IL17RE: variants seen among roughly 807,000 people sequenced by gnomAD.
IL17RE encodes interleukin-17 receptor E.
A neutral mutation model predicts 70.7 loss-of-function variants in IL17RE; 47 were observed. The ratio of observed to expected loss-of-function variants is 0.67; its 90% CI spans 0.53 to 0.85. The LOEUF (loss-of-function observed/expected upper bound fraction) is 0.85, where lower values mean the gene tolerates loss of function less well. Among genes scored for constraint, IL17RE ranks in the 40% least tolerant of loss-of-function variants. The probability of loss-of-function intolerance (pLI) is 0.00; values close to 1 mark genes in which losing one functional copy is unlikely to be tolerated. For missense variants in IL17RE, 850 were observed against 893.9 expected (o/e 0.95, Z 0.63); for synonymous variants, 372 against 381.2 (o/e 0.98, Z 0.28).
rs111949048 is a variant in IL17RE, at chr3:9,915,233, G to T, written c.1448-18G>T. ...TCCCTCAGCCGCCCAGCCTTCATCT[G>T]TTGCTTCCCGCCACCAGGCCCGGGC... On this transcript the variant is annotated intron_variant, in intron 15 of 15. Coordinates refer to ENST00000383814, the MANE Select transcript of IL17RE (RefSeq NM_153480.2). This position sits in a 1 kb window ranked among gnomAD's most constrained non-coding sequence, Gnocchi z 4.9. 2,031 of 1,377,912 alleles carry T rather than the reference G, an allele frequency of 1.5e-3. 20 individuals carry two copies. In the African/African-American group the frequency reaches 0.026, roughly 18 times the overall value. The allele number at this position is 1,377,912 out of a possible 1,614,324, so 85.4% of individuals were successfully genotyped here.
chr3:9,902,402 T>C (rs1301534345), upstream of IL17RE, among the ~76,000 whole-genome samples: 1 of 152,160 alleles, frequency 6.6e-6, no homozygotes, highest in Non-Finnish European at 1.5e-5. Flanking sequence ...ATGGGCTTCA[T>C]GTGCATCCTA....
chr3:9,912,104 C>A (rs2082908190), intron 12 of IL17RE, among the ~76,000 whole-genome samples: 1 of 152,246 alleles, frequency 6.6e-6, no homozygotes, highest in East Asian at 1.9e-4. Flanking sequence ...CCTGTCAGTC[C>A]AGTGGCTGCA....
At chr3:9,911,420 C>T (rs746311659) in intron 11 of IL17RE, 23 bp from the exon 12 acceptor site, 1 of 1,613,276 alleles carries the variant, frequency 6.2e-7, no homozygotes, top group Non-Finnish European at 8.5e-7. Flanking sequence ...CTCCTATCAA[C>T]ACCCCCACCC....
In IL17RE at chr3:9,915,210, C is replaced by T. The variant is rs693802; in HGVS notation, c.1448-41C>T. On this transcript the variant is annotated intron_variant, in intron 15 of 15. Transcript: ENST00000383814. This position sits in a 1 kb window ranked among gnomAD's most constrained non-coding sequence, Gnocchi z 4.9. ...GTGGGGAGAAGAGGGCTGAGCAGTC[C>T]CTCAGCCGCCCAGCCTTCATCTGTT... 0.51 allele frequency: 695,685 copies of T among 1,360,404 alleles called. 183,033 individuals are homozygous for T. Among genetic ancestry groups the T allele is most frequent in the Non-Finnish European group, 0.54 (571,048 of 1,060,326 alleles). 84.3% of individuals were successfully genotyped at this position (1,360,404 alleles called of 1,614,324 possible).
intron 6 of IL17RE, among the ~76,000 whole-genome samples, chr3:9,907,424 C>T (rs2082786183): frequency 6.6e-6 from 1 of 151,838 alleles, no homozygotes; most frequent in African/African-American, 2.4e-5. Context: ...AATTTAAAGA[C>T]TTCTTTGGAC....
At chr3:9,903,359 T>A in intron 1 of IL17RE, 38 bp from the exon 2 acceptor site, 1 of 1,612,248 alleles carries the variant, frequency 6.2e-7, no homozygotes, top group South Asian at 1.1e-5. Flanking sequence ...TAATAATAGC[T>A]CTTTCCTTTC....
intron 4 of IL17RE, 88 bp from the exon 5 acceptor site, chr3:9,906,618 G>A: frequency 1.3e-6 from 2 of 1,530,446 alleles, no homozygotes; most frequent in African/African-American, 1.4e-5. Context: ...TGAGCAACTT[G>A]CCTGTAGTAC....
chr3:9,914,764 G>C lies in IL17RE; in HGVS notation c.1434G>C (p.Arg478=), dbSNP rs2082974590. 6.2e-7 allele frequency: 1 copy of C among 1,613,626 alleles called. No homozygotes were observed. Among genetic ancestry groups the C allele is most frequent in the African/African-American group, 1.3e-5 (1 of 74,902 alleles). ...LLGVVLALTC[R]RPQSGPGPAR... ...GTGTTGTTCTGGCCCTCACCTGCCG[G>C]CGCCCACAGTCAGGTAAGCTCACCT... The change falls in exon 15 of 16, where the codon CGG becomes CGC. Residue 478 remains arginine (R), a synonymous_variant. Transcript: ENST00000383814.
chr3:9,908,975 C>A (rs1287065185), intron 7 of IL17RE, among the ~76,000 whole-genome samples: 2 of 152,074 alleles, frequency 1.3e-5, no homozygotes, highest in Non-Finnish European at 2.9e-5. Context: ...TTCCTTCTTT[C>A]TGGGGATAGT....
chr3:9,903,456 A>G (rs773909505), intron 2 of IL17RE, 44 bp downstream of exon 2: 1 of 1,605,964 alleles, frequency 6.2e-7, no homozygotes, highest in Non-Finnish European at 8.5e-7. Flanking sequence ...CACGCCCACT[A>G]TTTTTGCAGA....
rs777105188 is a variant in IL17RE, at chr3:9,902,895, G to A, written c.-38G>A. The A allele has an allele frequency of 1.9e-5, 30 of 1,614,032 alleles. No individual in the cohort carries two copies. The Admixed American group carries it at 5.0e-4, about 27-fold the overall frequency. ...GCCCTGCCACCCACCTTCAGGCCAT[G>A]CAGCCATGTTCCGGGAGCCCTAATT... On this transcript the variant is annotated 5_prime_UTR_variant, in exon 1 of 16. The change abolishes an upstream ATG in the 5' untranslated region. Coordinates refer to ENST00000383814, the MANE Select transcript of IL17RE (RefSeq NM_153480.2).
chr3:9,913,625 G>A (rs1373138272), intron 12 of IL17RE, among the ~76,000 whole-genome samples: 2 of 152,180 alleles, frequency 1.3e-5, no homozygotes, highest in Non-Finnish European at 2.9e-5. Flanking sequence ...AGCTGTGCAG[G>A]AGAGTAAAGT....
Position 9,915,631 on chromosome 3 carries a change from C to T in IL17RE, c.1828C>T (p.Leu610=). The T allele has an allele frequency of 7.1e-7, 1 of 1,414,510 alleles. No individual in the cohort carries two copies. Among genetic ancestry groups the T allele is most frequent in the Non-Finnish European group, 9.2e-7 (1 of 1,089,378 alleles). 87.6% of individuals were successfully genotyped at this position (1,414,510 alleles called of 1,614,324 possible). Residue 610 remains leucine, a synonymous_variant, in exon 16 of 16, where the codon CTG becomes TTG. Transcript: ENST00000383814. The surrounding 1 kb of genome is among the most constrained non-coding windows in gnomAD (Gnocchi z 4.9). ...CGACATCCCCCCGCCGCTGCGCGCC[C>T]TGCCGCGCTACCGCCTGCTGCGCGA... ...KGDIPPPLRA[L]PRYRLLRDLP... is the part of the protein sequence containing the mutation.
Position 9,903,040 on chromosome 3 carries a change from C to T in IL17RE, c.108C>T (p.Thr36=), listed in dbSNP as rs765206894. The T allele has an allele frequency of 3.1e-6, 5 of 1,614,166 alleles. No individual in the cohort carries two copies. The highest frequency in any genetic ancestry group is 4.2e-6 in the Non-Finnish European group (5 of 1,180,000). The change falls in exon 1 of 16, where the codon ACC becomes ACT. Residue 36 remains threonine (T), a synonymous_variant. Transcript: ENST00000383814. ...IGFRHLPHWN[T]RCPLASHTDD... Reference sequence around the variant, plus strand: ...TTCGCCACCTGCCCCACTGGAACACCCGCTGTCCTCTGGCCTCCCACACGG... The same window carrying T: ...TTCGCCACCTGCCCCACTGGAACACTCGCTGTCCTCTGGCCTCCCACACGG...
At chr3:9,903,177 A>C in intron 1 of IL17RE, 113 bp downstream of exon 1, 2 of 1,074,126 alleles carry the variant, frequency 1.9e-6, no homozygotes, top group Non-Finnish European at 2.8e-6. Flanking sequence ...GGCAGCTTTG[A>C]TGTGTCCTCT....
intron 4 of IL17RE, 73 bp from the exon 5 acceptor site, chr3:9,906,624 AGTACCTCAG>A: frequency 5.2e-6 from 8 of 1,535,634 alleles, no homozygotes; most frequent in Non-Finnish European, 7.2e-6. Flanking sequence ...ACTTGCCTGT[AGTACCTCAG>A]GTTCCAGAGG....
intron 13 of IL17RE, 117 bp from the exon 14 acceptor site, chr3:9,914,431 C>A (rs2082962480): frequency 2.0e-6 from 3 of 1,535,080 alleles, no homozygotes; most frequent in African/African-American, 2.8e-5. Context: ...ACAAACCCAC[C>A]TGGGAAGAAT....
In IL17RE at chr3:9,914,026, T is replaced by G. The variant is rs1465355199; in HGVS notation, c.1296+2T>G. On this transcript the variant is annotated splice_donor_variant, in intron 13 of 15. Coordinates refer to ENST00000383814, the MANE Select transcript of IL17RE (RefSeq NM_153480.2). LOFTEE classifies it high-confidence loss of function. ...CTGAGGCCAGGGTGCTGTGTCCTGGTAAGGAAACCTACCCTCACTCTACAT... is the reference window on the plus strand; with the variant it reads ...CTGAGGCCAGGGTGCTGTGTCCTGGGAAGGAAACCTACCCTCACTCTACAT... The G allele has an allele frequency of 6.2e-7, 1 of 1,609,276 alleles. No individual in the cohort carries two copies. Among genetic ancestry groups the G allele is most frequent in the African/African-American group, 1.3e-5 (1 of 74,932 alleles).
chr3:9,909,111 C>T, intron 7 of IL17RE, 106 bp from the exon 8 acceptor site: 1 of 930,802 alleles, frequency 1.1e-6, no homozygotes, highest in Non-Finnish European at 1.7e-6. Context: ...CTGGCCAGCT[C>T]AGGCAGCTTG....
Sources: gnomAD v4.1 joint callset for allele counts (sites outside exome capture counted in the v4.1 genomes callset) on GRCh38, gnomAD v4.1.1 for gene constraint, Gnocchi (gnomAD v3.1) non-coding constraint, MANE v1.5 for transcripts, NCBI Gene and HGNC (gene_info 2026-07-23, HGNC 2026-07-21) for gene names.